The following SDK1 variants were observed in gnomAD, a reference collection of about 807,000 sequenced individuals.
SDK1 encodes sidekick cell adhesion molecule 1.
A neutral mutation model predicts 245.5 loss-of-function variants in SDK1; 157 were observed. The ratio of observed to expected loss-of-function variants is 0.64; its 90% CI spans 0.56 to 0.73. The LOEUF is 0.73. Ranked by LOEUF, SDK1 falls within the 30% of genes least tolerant of loss-of-function variation. SDK1 has a pLI of 0.00. For synonymous variants in SDK1, 1,647 were observed against 1,278.5 expected, an observed-to-expected ratio of 1.29 and a Z score of -6.15; for missense variants, 3,583 against 3,002.3, an observed-to-expected ratio of 1.19 and a Z score of -4.52.
chr7:3,659,475 G>A (rs183417381), intron 4 of SDK1, among the ~76,000 whole-genome samples: 8 of 152,308 alleles, frequency 5.3e-5, no homozygotes, highest in Admixed American at 1.3e-4. Context: ...GGACATCTGC[G>A]TTTAGTGTTT....
chr7:4,011,234 G>C, intron 15 of SDK1, 121 bp downstream of exon 15: 1 of 1,247,558 alleles, frequency 8.0e-7, no homozygotes, highest in Non-Finnish European at 1.1e-6. Flanking sequence ...TCAGGGAGAC[G>C]GGACAAACCG....
chr7:4,096,118 C>T (rs1391572235), intron 22 of SDK1, among the ~76,000 whole-genome samples: 1 of 152,208 alleles, frequency 6.6e-6, no homozygotes, highest in African/African-American at 2.4e-5. Context: ...GCTTTCCTCT[C>T]TTCAAAAGTC....
At chr7:3,898,506 C>A (rs999733771) in intron 5 of SDK1, among the ~76,000 whole-genome samples, 4 of 152,162 alleles carry the variant, frequency 2.6e-5, no homozygotes, top group Non-Finnish European at 4.4e-5. Flanking sequence ...ACTTTTCATG[C>A]ACTTTGCCCT....
intron 1 of SDK1, among the ~76,000 whole-genome samples, chr7:3,526,090 G>A (rs1037876482): frequency 6.6e-6 from 1 of 151,946 alleles, no homozygotes; most frequent in Non-Finnish European, 1.5e-5. Context: ...CAAAATTAGC[G>A]GGGTGTGATG....
chr7:3,460,096 T>C (rs1440761151), intron 1 of SDK1, among the ~76,000 whole-genome samples: 1 of 152,230 alleles, frequency 6.6e-6, no homozygotes, highest in Non-Finnish European at 1.5e-5. Context: ...GTATAATAAA[T>C]GACATTATTA....
intron 35 of SDK1, among the ~76,000 whole-genome samples, chr7:4,199,837 C>G (rs565988578): frequency 6.6e-6 from 1 of 152,290 alleles, no homozygotes; most frequent in South Asian, 2.1e-4. Flanking sequence ...TCTTGAGGCA[C>G]CTGTACTCAG....
At chr7:3,619,480 C>T (rs1781868342) in intron 2 of SDK1, among the ~76,000 whole-genome samples, 1 of 152,184 alleles carries the variant, frequency 6.6e-6, no homozygotes, top group African/African-American at 2.4e-5. Flanking sequence ...GTGAAATTAT[C>T]AGTCAACAAA....
In SDK1 at chr7:3,772,825, TC is replaced by T. The variant is rs1044251265; in HGVS notation, c.714-48622del. ...CTTAATTCCACCCTCACATCTGAAG[TC>T]CCATTTTCCTAGCTGTAGGATTCTT... On this transcript the variant is annotated intron_variant, in intron 4 of 44. Coordinates refer to ENST00000404826, the MANE Select transcript of SDK1 (RefSeq NM_152744.4). Among the ~76,000 whole-genome samples the T allele has an allele frequency of 2.3e-3, 356 of 152,324 alleles. 1 individual carries two copies. The highest frequency in any genetic ancestry group is 8.2e-3 in the African/African-American group (339 of 41,582).
intron 4 of SDK1, among the ~76,000 whole-genome samples, chr7:3,763,436 C>G (rs1308262281): frequency 5.9e-5 from 9 of 152,106 alleles, no homozygotes; most frequent in African/African-American, 2.2e-4. Flanking sequence ...GAACATTTTG[C>G]TATATTTACT....
chr7:3,630,237 C>T (rs927930606), intron 2 of SDK1, among the ~76,000 whole-genome samples: 2 of 151,980 alleles, frequency 1.3e-5, no homozygotes, highest in African/African-American at 2.4e-5. Flanking sequence ...TTGCAAATCC[C>T]AATTACTGGA....
chr7:3,895,456 A>C (rs757857893), intron 5 of SDK1, among the ~76,000 whole-genome samples: 19 of 152,204 alleles, frequency 1.2e-4, no homozygotes, highest in Non-Finnish European at 2.4e-4. Context: ...GTTTAGAATA[A>C]AAAGGGGGAA....
rs571876312 is a variant in SDK1 at position 3,351,308 on chromosome 7, T to G, written c.298+49424T>G. ...ATAAATAATAAAAATTGGTGAATCA[T>G]TTTACCTAACAATTTATTGATATTA... On this transcript the variant is annotated intron_variant, in intron 1 of 44. Coordinates refer to ENST00000404826, the MANE Select transcript of SDK1 (RefSeq NM_152744.4). Among the ~76,000 whole-genome samples, 489 of 152,266 alleles carry G rather than the reference T, an allele frequency of 3.2e-3. 1 individual carries two copies. The highest frequency in any genetic ancestry group is 0.011 in the African/African-American group (459 of 41,554).
chr7:4,122,450 G>T (rs189471132), intron 25 of SDK1, among the ~76,000 whole-genome samples: 85 of 152,276 alleles, frequency 5.6e-4, no homozygotes, highest in African/African-American at 2.0e-3. Context: ...CCCCTCAATG[G>T]AAATAGCAGC....
At chr7:4,061,074 G>T (rs184354741) in intron 19 of SDK1, among the ~76,000 whole-genome samples, 3 of 152,196 alleles carry the variant, frequency 2.0e-5, no homozygotes, top group African/African-American at 2.4e-5. Flanking sequence ...GTCAGGTAGC[G>T]TGATGCTTCC....
intron 5 of SDK1, among the ~76,000 whole-genome samples, chr7:3,825,189 A>G (rs1445114498): frequency 6.6e-6 from 1 of 152,178 alleles, no homozygotes; most frequent in African/African-American, 2.4e-5. Context: ...TTCCGAGGTC[A>G]GACCCGGGAA....
In SDK1 at chr7:4,149,376, C is replaced by T; in HGVS notation, c.4538C>T (p.Thr1513Ile). The change falls in exon 30 of 45, where the codon ACC (threonine) becomes ATC (isoleucine). Residue 1513 changes from threonine to isoleucine, a missense_variant. Physicochemically the swap from Thr to Ile is moderately conservative, Grantham distance 89 (BLOSUM62 -1). Coordinates refer to ENST00000404826, the MANE Select transcript of SDK1 (RefSeq NM_152744.4). ...GGGGCCTCCCCCATCCGGTACTTCA[C>T]CATGCAGGTGCGAGAGCTGCCTCGG... The part of the protein sequence containing the change: ...SDGASPIRYF[T>I]MQVRELPRGE... 1.3e-6 allele frequency: 2 copies of T among 1,591,190 alleles called. No homozygotes were observed. Among genetic ancestry groups the T allele is most frequent in the Non-Finnish European group, 1.7e-6 (2 of 1,169,532 alleles).
chr7:3,565,771 C>G lies in SDK1; in HGVS notation c.299-53309C>G, dbSNP rs141284736. 4.9e-3 allele frequency among the ~76,000 whole-genome samples: 741 copies of G among 152,194 alleles called. 3 individuals are homozygous for G. The highest frequency in any genetic ancestry group is 9.4e-3 in the South Asian group (45 of 4,812). On this transcript the variant is annotated intron_variant, in intron 1 of 44. Transcript: ENST00000404826. ...TATACAACTTGATATAATGTAAATG[C>G]TATGTTAAGTAGTTGTTATATTGTT...
chr7:3,517,809 T>C (rs543618824), intron 1 of SDK1, among the ~76,000 whole-genome samples: 26 of 152,310 alleles, frequency 1.7e-4, no homozygotes, highest in Non-Finnish European at 3.2e-4. Context: ...TAGGTCATCA[T>C]TACATAAGAC....
chr7:3,928,365 T>C (rs923853349), intron 5 of SDK1, among the ~76,000 whole-genome samples: 2 of 152,212 alleles, frequency 1.3e-5, no homozygotes, highest in Non-Finnish European at 2.9e-5. Context: ...CCCTCAATTC[T>C]ACAACTTAGA....
Sources: allele counts gnomAD v4.1 joint callset (sites outside exome capture counted in the v4.1 genomes callset), GRCh38; gene constraint gnomAD v4.1.1; transcripts MANE v1.5; gene names NCBI Gene and HGNC (gene_info 2026-07-23, HGNC 2026-07-21).